The following ASH1L variants were observed in gnomAD, a reference collection of about 807,000 sequenced individuals.
ASH1L encodes the protein histone-lysine N-methyltransferase ASH1L.
A neutral mutation model predicts 269.0 loss-of-function variants in ASH1L; 23 were observed. The observed-to-expected ratio is 0.09, with a 90% CI of 0.06 to 0.12. The LOEUF is 0.12. ASH1L is among the 10% of genes least tolerant of loss of function. The pLI is 1.00. For missense variants in ASH1L, 2,912 were observed against 3,567.8 expected (o/e 0.82, Z 4.68); for synonymous variants, 1,187 against 1,253.5 (o/e 0.95, Z 1.12).
In ASH1L at chr1:155,480,456, G is replaced by C; in HGVS notation, c.2414C>G (p.Ala805Gly). The C allele has an allele frequency of 6.2e-7, 1 of 1,614,086 alleles. No individual in the cohort carries two copies. Among genetic ancestry groups the C allele is most frequent in the Non-Finnish European group, 8.5e-7 (1 of 1,179,966 alleles). ...CATACTGGAGGATAGTTTGTGAGTAGCAAAAGACTTATGAGATGGTTTTTC... is the reference window on the plus strand; with the variant it reads ...CATACTGGAGGATAGTTTGTGAGTACCAAAAGACTTATGAGATGGTTTTTC... The part of the protein sequence containing the change: ...DSEKPSHKSF[A>G]THKLSSSMCV... Residue 805 changes from alanine to glycine, a missense_variant, in exon 3 of 28, where the codon GCT becomes GGT. By Grantham distance (60) the Ala-to-Gly change is moderately conservative (BLOSUM62 0). This residue lies in a region of ASH1L where 715 missense variants were observed against 721.0 expected (regional missense o/e 0.99). Coordinates refer to ENST00000392403, the MANE Select transcript of ASH1L (RefSeq NM_018489.3).
chr1:155,523,670 G>A (rs1669039393), intron 1 of ASH1L, among the ~76,000 whole-genome samples: 1 of 152,130 alleles, frequency 6.6e-6, no homozygotes, highest in African/African-American at 2.4e-5. Context: ...TCACCAGTTC[G>A]AGTCTAGCCT....
intron 1 of ASH1L, among the ~76,000 whole-genome samples, chr1:155,551,429 G>C (rs1404171333): frequency 6.6e-6 from 1 of 151,646 alleles, no homozygotes; most frequent in Admixed American, 6.6e-5. Flanking sequence ...GGGAGGCCGA[G>C]GCGGGCGGAT....
chr1:155,479,641 C>A lies in ASH1L; in HGVS notation c.3229G>T (p.Ala1077Ser). ...PTSLAVLEQT[A>S]QQAAGSALGQ... Reference sequence around the variant, plus strand: ...AATGCTGACCCAGCTGCCTGTTGAGCTGTTTGCTCAAGAACAGCAAGGCTA... The same window carrying A: ...AATGCTGACCCAGCTGCCTGTTGAGATGTTTGCTCAAGAACAGCAAGGCTA... Residue 1077 changes from alanine to serine, a missense_variant, in exon 3 of 28, where the codon GCT becomes TCT. Physicochemically the swap from Ala to Ser is moderately conservative, Grantham distance 99. Coordinates refer to ENST00000392403, the MANE Select transcript of ASH1L (RefSeq NM_018489.3). The A allele has an allele frequency of 6.2e-7, 1 of 1,614,178 alleles. No homozygotes were observed. The highest frequency in any genetic ancestry group is 8.5e-7 in the Non-Finnish European group (1 of 1,180,002).
intron 7 of ASH1L, among the ~76,000 whole-genome samples, chr1:155,386,847 T>C (rs1231715079): frequency 1.3e-5 from 2 of 152,242 alleles, no homozygotes; most frequent in African/African-American, 4.8e-5. Context: ...CAGAAGTTCA[T>C]ACTATTTGTC....
intron 2 of ASH1L, 47 bp downstream of exon 2, chr1:155,521,053 A>G (rs2148842538): frequency 1.3e-6 from 2 of 1,502,768 alleles, no homozygotes; most frequent in African/African-American, 2.8e-5. Flanking sequence ...TTAATAGGGA[A>G]ATGAAAATAT....
intron 3 of ASH1L, among the ~76,000 whole-genome samples, chr1:155,475,246 C>G (rs1250570320): frequency 6.6e-6 from 1 of 152,078 alleles, no homozygotes; most frequent in Non-Finnish European, 1.5e-5. Flanking sequence ...AAGCGATTCT[C>G]CTGCCTCAGC....
Position 155,370,911 on chromosome 1 carries a change from C to A in ASH1L, c.6405G>T (p.Arg2135Ser). The change falls in exon 11 of 28, where the codon AGG becomes AGT. Residue 2135 changes from arginine to serine, a missense_variant. Around this residue, in one of 13 missense-constraint regions of ASH1L, gnomAD observed 193 missense variants for 311.6 expected, o/e 0.62. Transcript: ENST00000392403. Reference sequence around the variant, plus strand: ...GTTCTAGACATTGCACCCATTCATGCCTCTGTATCCTCTGGTTACAGCATT... The same window carrying A: ...GTTCTAGACATTGCACCCATTCATGACTCTGTATCCTCTGGTTACAGCATT... The part of the protein sequence containing the change: ...GEQCCNQRIQ[R>S]HEWVQCLERF... The A allele has an allele frequency of 6.2e-7, 1 of 1,614,172 alleles. No individual in the cohort carries two copies. The highest frequency in any genetic ancestry group is 1.1e-5 in the South Asian group (1 of 91,082).
Position 155,357,753 on chromosome 1 carries a change from T to C in ASH1L, c.6796-4A>G. On this transcript the variant is annotated splice_region_variant and splice_polypyrimidine_tract_variant and intron_variant, in intron 13 of 27. Transcript: ENST00000392403. ...CAAAGCCACACTTACAAAGTTGCTT[T>C]GAAGGGAGAGAATAATTTTTTTATT... 1.2e-6 allele frequency: 2 copies of C among 1,602,154 alleles called. No homozygotes were observed. Among genetic ancestry groups the C allele is most frequent in the Non-Finnish European group, 1.7e-6 (2 of 1,176,984 alleles).
At position 155,479,873 on chromosome 1, in the gene ASH1L, A is replaced by G; in HGVS notation, c.2997T>C (p.Asn999=). Residue 999 remains asparagine, a synonymous_variant, in exon 3 of 28, where the codon AAT becomes AAC. Transcript: ENST00000392403. ...ATTCTACAGAACTTGAAAGAATCTG[A>G]TTCAACAGTTTCTTTCTCTTTAAAG... ...MKTLKRKKLL[N]QILSSSVESS... 6.2e-7 allele frequency: 1 copy of G among 1,612,218 alleles called. No individual in the cohort carries two copies. Among genetic ancestry groups the G allele is most frequent in the Non-Finnish European group, 8.5e-7 (1 of 1,178,662 alleles).
chr1:155,439,146 G>C, intron 4 of ASH1L, 78 bp from the exon 5 acceptor site: 1 of 1,389,126 alleles, frequency 7.2e-7, no homozygotes, highest in Non-Finnish European at 9.8e-7. Context: ...ACAGATAAAA[G>C]GGAGTACTAC....
rs369209636 is a variant in ASH1L, at chr1:155,481,409, G to A, written c.1461C>T (p.Ile487=). The A allele has an allele frequency of 1.2e-6, 2 of 1,613,814 alleles. No individual in the cohort carries two copies. The highest frequency in any genetic ancestry group is 1.7e-5 in the Admixed American group (1 of 59,964). The change falls in exon 3 of 28, where the codon ATC becomes ATT. Residue 487 remains isoleucine (I), a synonymous_variant. Transcript: ENST00000392403. Reference sequence around the variant, plus strand: ...TAAACATTTCTTTCTCCAAATTAATGATTTCTTTTCGTACTGAGAACTTTT... The same window carrying A: ...TAAACATTTCTTTCTCCAAATTAATAATTTCTTTTCGTACTGAGAACTTTT... The part of the protein sequence containing the change: ...ILEKFSVRKE[I]INLEKEMFNE...
intron 10 of ASH1L, among the ~76,000 whole-genome samples, chr1:155,375,597 G>T (rs1452393799): frequency 3.3e-5 from 5 of 152,044 alleles, no homozygotes; most frequent in Admixed American, 2.0e-4. Flanking sequence ...GACCAGCGTG[G>T]TCAACATGGC....
intron 5 of ASH1L, among the ~76,000 whole-genome samples, chr1:155,417,872 C>A (rs186109709): frequency 1.3e-5 from 2 of 151,740 alleles, no homozygotes; most frequent in Non-Finnish European, 2.9e-5. Flanking sequence ...GCAGGGGAAT[C>A]GCTTGAACCT....
In ASH1L at chr1:155,364,901, C is replaced by T. The variant is rs1655269287; in HGVS notation, c.6687-4492G>A. On this transcript the variant is annotated intron_variant, in intron 12 of 27. Coordinates refer to ENST00000392403, the MANE Select transcript of ASH1L (RefSeq NM_018489.3). ...AGGCTGCAGTGAGCCAAGATCATACCACTGTACTCCAGCTCTGTCTTAAAA... is the reference window on the plus strand; with the variant it reads ...AGGCTGCAGTGAGCCAAGATCATACTACTGTACTCCAGCTCTGTCTTAAAA... Among the ~76,000 whole-genome samples the T allele has an allele frequency of 2.7e-5, 4 of 146,758 alleles. No individual in the cohort carries two copies. The South Asian group carries it at 6.5e-4, about 24-fold the overall frequency.
At chr1:155,378,244 A>C (rs763298762) in intron 10 of ASH1L, 37 bp downstream of exon 10, 1 of 1,532,984 alleles carries the variant, frequency 6.5e-7, no homozygotes, top group Non-Finnish European at 9.0e-7. Context: ...GTATACCTTA[A>C]AGCCTATGCT....
chr1:155,378,462 T>C, intron 9 of ASH1L, 41 bp downstream of exon 9: 2 of 1,610,668 alleles, frequency 1.2e-6, no homozygotes, highest in Non-Finnish European at 1.7e-6. Flanking sequence ...AGAAGAACAT[T>C]AACGTATAGA....
intron 4 of ASH1L, among the ~76,000 whole-genome samples, chr1:155,457,403 T>C (rs1027978997): frequency 1.3e-5 from 2 of 152,216 alleles, no homozygotes; most frequent in Non-Finnish European, 2.9e-5. Context: ...TATCCAACAA[T>C]GGGTTATTCT....
chr1:155,341,805 A>G (rs1331082544), intron 25 of ASH1L, 131 bp downstream of exon 25: 3 of 896,922 alleles, frequency 3.3e-6, no homozygotes, highest in Admixed American at 2.2e-5. Flanking sequence ...AAATAGAGAC[A>G]GAGATATCCA....
intron 12 of ASH1L, among the ~76,000 whole-genome samples, 178 bp from the exon 13 acceptor site, chr1:155,360,587 G>A (rs1654859909): frequency 6.6e-6 from 1 of 152,086 alleles, no homozygotes; most frequent in Non-Finnish European, 1.5e-5. Flanking sequence ...GGGACTACAG[G>A]TGTAAGCCAC....
Sources: gnomAD v4.1 joint callset for allele counts (sites outside exome capture counted in the v4.1 genomes callset) on GRCh38, gnomAD v4.1.1 for gene constraint, gnomAD v4.1.1 regional missense constraint, MANE v1.5 for transcripts, NCBI Gene and HGNC (gene_info 2026-07-23, HGNC 2026-07-21) for gene names.